PLCZ1: variants seen among roughly 807,000 people sequenced by gnomAD.
PLCZ1 encodes 1-phosphatidylinositol 4,5-bisphosphate phosphodiesterase zeta-1.
In PLCZ1, 64 loss-of-function variants were observed where a neutral mutation model predicts 76.8. The ratio of observed to expected loss-of-function variants is 0.83; its 90% CI spans 0.68 to 1.03. The LOEUF (loss-of-function observed/expected upper bound fraction) is 1.03. Ranked by LOEUF, PLCZ1 falls within the 50% of genes least tolerant of loss-of-function variation. PLCZ1 has a pLI of 0.00. For missense variants in PLCZ1, 751 were observed against 713.7 expected, an observed-to-expected ratio of 1.05 and a Z score of -0.60; for synonymous variants, 248 against 230.8, an observed-to-expected ratio of 1.07 and a Z score of -0.68.
At chr12:18,649,175 C>T in the PLCZ1 span, among the ~76,000 whole-genome samples, 1 of 150,518 alleles carries the variant, frequency 6.6e-6, no homozygotes, top group African/African-American at 2.5e-5. Flanking sequence ...AGCAACTCCT[C>T]CCCTAATCCT....
chr12:18,728,568 A>G (rs558580252), intron 3 of PLCZ1, among the ~76,000 whole-genome samples: 2 of 152,300 alleles, frequency 1.3e-5, no homozygotes, highest in African/African-American at 4.8e-5. Flanking sequence ...ACAGGACAGA[A>G]GGAGAAGGAC....
downstream of PLCZ1, among the ~76,000 whole-genome samples, chr12:18,679,934 ACC>A (rs1409168840): frequency 1.3e-5 from 2 of 151,948 alleles, no homozygotes; most frequent in African/African-American, 2.4e-5. Flanking sequence ...CTTCAATTCA[ACC>A]CTCCAGTGTT....
In PLCZ1 at chr12:18,688,090, A is replaced by T; in HGVS notation, c.1590T>A (p.Asn530Lys). 6.2e-7 allele frequency: 1 copy of T among 1,609,692 alleles called. No homozygotes were observed. The highest frequency in any genetic ancestry group is 1.7e-4 in the Middle Eastern group (1 of 6,038). The stretch of plus-strand genomic sequence containing the variant: ...CAATAAGGTATATCAGGAGCTCACC[A>T]TTTTTTTTAATTACACGAGTCTGCT... Reference protein sequence around the residue: ...MKQQTRVIKKNAFSPRWNETF... With the variant: ...MKQQTRVIKKKAFSPRWNETF... The change falls in exon 13 of 15, where the codon AAT (asparagine) becomes AAA (lysine). Residue 530 changes from asparagine to lysine, a missense_variant and splice_region_variant. Coordinates refer to ENST00000266505, the MANE Select transcript of PLCZ1 (RefSeq NM_033123.4).
intron 2 of PLCZ1, among the ~76,000 whole-genome samples, chr12:18,736,962 T>G (rs945388194): frequency 1.4e-5 from 2 of 143,224 alleles, no homozygotes; most frequent in African/African-American, 5.2e-5. Context: ...CGAAAAAAAT[T>G]TTTAAAAGCT....
At chr12:18,655,074 T>G in the PLCZ1 span, among the ~76,000 whole-genome samples, 1 of 151,658 alleles carries the variant, frequency 6.6e-6, no homozygotes, top group Non-Finnish European at 1.5e-5. Context: ...TACCAGAGGC[T>G]TTTGATGTTT....
intron 12 of PLCZ1, 31 bp from the exon 13 acceptor site, chr12:18,688,249 A>G: frequency 6.3e-7 from 1 of 1,581,648 alleles, no homozygotes; most frequent in East Asian, 2.2e-5. Context: ...ATAAGAATTT[A>G]GCAAGATATT....
intron 9 of PLCZ1, among the ~76,000 whole-genome samples, chr12:18,701,229 C>T (rs887331711): frequency 4.6e-5 from 7 of 152,042 alleles, no homozygotes; most frequent in African/African-American, 1.5e-4. Context: ...ATGTGATCCG[C>T]CCACCTCAGC....
the PLCZ1 span, among the ~76,000 whole-genome samples, chr12:18,662,485 A>G: frequency 1.3e-5 from 2 of 152,230 alleles, no homozygotes; most frequent in South Asian, 4.1e-4. Context: ...TTGAAATAAA[A>G]GAGCATTACA....
At chr12:18,674,878 C>G in the PLCZ1 span, among the ~76,000 whole-genome samples, 20 of 152,076 alleles carry the variant, frequency 1.3e-4, no homozygotes, top group East Asian at 1.9e-4. Flanking sequence ...TGTGAAGAAC[C>G]CTGGGATGAA....
intron 3 of PLCZ1, among the ~76,000 whole-genome samples, chr12:18,733,211 G>A (rs1328199944): frequency 1.3e-5 from 2 of 152,158 alleles, no homozygotes; most frequent in Non-Finnish European, 2.9e-5. Context: ...TAGTGATGTT[G>A]AGCACTTATT....
At chr12:18,730,282 G>A (rs1235625250) in intron 3 of PLCZ1, among the ~76,000 whole-genome samples, 1 of 152,124 alleles carries the variant, frequency 6.6e-6, no homozygotes, top group African/African-American at 2.4e-5. Flanking sequence ...TGAGTTGAAT[G>A]TGTAAGCAGC....
chr12:18,730,352 T>C (rs1411551061), intron 3 of PLCZ1, among the ~76,000 whole-genome samples: 1 of 152,098 alleles, frequency 6.6e-6, no homozygotes, highest in Non-Finnish European at 1.5e-5. Flanking sequence ...AGGATTCTAC[T>C]TAATCAACAT....
the PLCZ1 span, among the ~76,000 whole-genome samples, chr12:18,675,656 G>GAT: frequency 1.6e-4 from 25 of 152,096 alleles, no homozygotes; most frequent in East Asian, 7.8e-4. Context: ...AATAAAATGT[G>GAT]ATATATATAT....
chr12:18,650,327 C>CTATATA, the PLCZ1 span, among the ~76,000 whole-genome samples: 28 of 79,728 alleles, frequency 3.5e-4, no homozygotes, highest in African/African-American at 9.4e-4. Context: ...CTCTCTCTCT[C>CTATATA]TCTCTATATA....
Position 18,683,262 on chromosome 12 carries a change from C to A in PLCZ1, c.1804G>T (p.Val602Phe). 6.2e-7 allele frequency: 1 copy of A among 1,612,370 alleles called. No homozygotes were observed. The highest frequency in any genetic ancestry group is 2.2e-5 in the East Asian group (1 of 44,814). ...GESLEPASLFVYVWYVR is the reference protein window; with the variant it reads ...GESLEPASLFFYVWYVR The stretch of plus-strand genomic sequence containing the variant: ...TGTTATCTGACGTACCAAACATAAA[C>A]AAACAGTGAAGCAGGCTCAAGGCTC... Residue 602 changes from valine (V) to phenylalanine (F), a missense_variant, in exon 15 of 15, where the codon GTT becomes TTT. Coordinates refer to ENST00000266505, the MANE Select transcript of PLCZ1 (RefSeq NM_033123.4).
rs10523511 is a variant in PLCZ1, at chr12:18,696,348, A to ATATATATATATATATC, written c.1175-83_1175-82insGATATATATATATATA. The ATATATATATATATATC allele has an allele frequency of 2.1e-4, 46 of 214,292 alleles. 1 individual carries two copies. Among genetic ancestry groups the ATATATATATATATATC allele is most frequent in the Admixed American group, 6.9e-4 (10 of 14,546 alleles). 13.3% of individuals were successfully genotyped at this position (214,292 alleles called of 1,614,324 possible). On this transcript the variant is annotated intron_variant, in intron 10 of 14. Coordinates refer to ENST00000266505, the MANE Select transcript of PLCZ1 (RefSeq NM_033123.4). ...TATATATATATATATATATATATAT[A>ATATATATATATATATC]TATCATATAATTCTATAATAGTTTC...
intron 13 of PLCZ1, among the ~76,000 whole-genome samples, chr12:18,686,959 A>G (rs1008451054): frequency 3.9e-5 from 6 of 152,070 alleles, no homozygotes; most frequent in African/African-American, 1.4e-4. Context: ...CATTGAATAA[A>G]TTAAGTTTCT....
At chr12:18,714,319 A>C (rs536450790) in intron 5 of PLCZ1, among the ~76,000 whole-genome samples, 1 of 152,370 alleles carries the variant, frequency 6.6e-6, no homozygotes, top group South Asian at 2.1e-4. Flanking sequence ...AGACAGGGTC[A>C]GCAACACTAA....
At chr12:18,691,027 C>G (rs1953991542) in intron 12 of PLCZ1, among the ~76,000 whole-genome samples, 1 of 152,090 alleles carries the variant, frequency 6.6e-6, no homozygotes, top group Non-Finnish European at 1.5e-5. Flanking sequence ...GACAGGCTAC[C>G]TGAAACCATC....
Sources: gnomAD v4.1 joint callset for allele counts (sites outside exome capture counted in the v4.1 genomes callset) on GRCh38, gnomAD v4.1.1 for gene constraint, MANE v1.5 for transcripts, NCBI Gene and HGNC (gene_info 2026-07-23, HGNC 2026-07-21) for gene names.